NREP: variants seen among roughly 807,000 people sequenced by gnomAD.
The protein encoded by NREP is neuronal regeneration-related protein.
Under a neutral mutation model 8.6 loss-of-function variants are expected in NREP, and 5 were observed. The ratio of observed to expected loss-of-function variants is 0.58; its 90% CI spans 0.30 to 1.22. The LOEUF is 1.22. Ranked by LOEUF, NREP falls within the 50% of genes most tolerant of loss-of-function variation. The pLI, the probability that NREP is intolerant of heterozygous loss-of-function variation, is 0.07. For missense variants in NREP, 86 were observed against 82.5 expected, an observed-to-expected ratio of 1.04 and a Z score of -0.17; for synonymous variants, 27 against 28.0, an observed-to-expected ratio of 0.96 and a Z score of 0.11.
At chr5:111,845,907 T>C (rs1753150628) in intron 2 of NREP, 1 of 151,826 alleles carries the variant, frequency 6.6e-6, no homozygotes, top group Non-Finnish European at 1.5e-5. Flanking sequence ...GAAGTAATTT[T>C]ACATGTTCAA....
chr5:111,869,112 T>C (rs990670993), intron 2 of NREP, among the ~76,000 whole-genome samples: 1 of 152,190 alleles, frequency 6.6e-6, no homozygotes, highest in Non-Finnish European at 1.5e-5. Flanking sequence ...ATAGCAAATA[T>C]TGCTATTTGT....
chr5:111,958,806 T>C (rs528778637), intron 2 of NREP, among the ~76,000 whole-genome samples: 1 of 152,054 alleles, frequency 6.6e-6, no homozygotes, highest in South Asian at 2.1e-4. Context: ...AAATTTACTT[T>C]ATAAAGCTGT....
chr5:111,957,557 T>C (rs2042130596), intron 2 of NREP, among the ~76,000 whole-genome samples: 2 of 149,834 alleles, frequency 1.3e-5, no homozygotes, highest in African/African-American at 2.5e-5. Flanking sequence ...AAATGTGTTA[T>C]CTATGATATT....
chr5:111,813,557 C>A (rs1026966087), intron 2 of NREP, among the ~76,000 whole-genome samples: 2 of 151,914 alleles, frequency 1.3e-5, no homozygotes, highest in East Asian at 1.9e-4. Flanking sequence ...TTCTTTTAAT[C>A]AGTAATTTGA....
chr5:111,897,228 AT>A (rs1754532576), intron 2 of NREP, among the ~76,000 whole-genome samples: 1 of 152,136 alleles, frequency 6.6e-6, no homozygotes, highest in African/African-American at 2.4e-5. Flanking sequence ...ATTTAAAAAA[AT>A]ATTGTTCAAC....
chr5:111,782,285 C>A (rs1301508953), intron 2 of NREP, among the ~76,000 whole-genome samples: 1 of 152,200 alleles, frequency 6.6e-6, no homozygotes, highest in African/African-American at 2.4e-5. Flanking sequence ...GTATATGGAA[C>A]TGGCAGCTTA....
intron 2 of NREP, among the ~76,000 whole-genome samples, chr5:111,815,550 C>T (rs1561677810): frequency 6.6e-6 from 1 of 151,474 alleles, no homozygotes; most frequent in Non-Finnish European, 1.5e-5. Flanking sequence ...TAGAATTTTT[C>T]ACCAGTGAGA....
At chr5:111,890,734 G>C (rs767336370) in intron 2 of NREP, among the ~76,000 whole-genome samples, 1 of 152,208 alleles carries the variant, frequency 6.6e-6, no homozygotes, top group Non-Finnish European at 1.5e-5. Context: ...TTTGAGCCAA[G>C]GCTGGAGACG....
intron 2 of NREP, among the ~76,000 whole-genome samples, chr5:111,847,727 TG>T (rs146721644): frequency 0.04 from 6,044 of 152,258 alleles, 431 homozygotes; most frequent in African/African-American, 0.14. Flanking sequence ...ATGTGAGACC[TG>T]GGCCAAATGG....
chr5:111,868,351 T>A (rs1247194001), intron 2 of NREP, among the ~76,000 whole-genome samples: 1 of 152,164 alleles, frequency 6.6e-6, no homozygotes, highest in East Asian at 1.9e-4. Flanking sequence ...GTTAACAGAT[T>A]TCTTTGCAGA....
Position 111,736,954 on chromosome 5 carries a change from G to C in NREP, c.4-1447C>G, listed in dbSNP as rs183544041. Among the ~76,000 whole-genome samples the C allele has an allele frequency of 1.1e-3, 160 of 152,006 alleles. 1 individual carries two copies. The East Asian group carries it at 0.026, about 25-fold the overall frequency. ...CTCGCATTATCCCAGAATGCAAATC[G>C]CCTACCACCACTCCCTCAAAATTAT... On this transcript the variant is annotated intron_variant, in intron 2 of 3. Coordinates refer to ENST00000257435, the MANE Select transcript of NREP (RefSeq NM_004772.4).
At chr5:111,799,364 G>A (rs1751948658) in intron 2 of NREP, among the ~76,000 whole-genome samples, 1 of 152,122 alleles carries the variant, frequency 6.6e-6, no homozygotes, top group Non-Finnish European at 1.5e-5. Flanking sequence ...TAGCAGTATG[G>A]TCATTTTCAC....
intron 2 of NREP, among the ~76,000 whole-genome samples, chr5:111,946,788 G>C (rs1234157095): frequency 6.6e-6 from 1 of 152,012 alleles, no homozygotes; most frequent in African/African-American, 2.4e-5. Flanking sequence ...AGGCCAATCA[G>C]GAACCCTGCT....
At chr5:111,753,102 T>C (rs1750466629) in intron 2 of NREP, among the ~76,000 whole-genome samples, 1 of 151,612 alleles carries the variant, frequency 6.6e-6, no homozygotes, top group Non-Finnish European at 1.5e-5. Context: ...GCATATTTAC[T>C]AGAAAACAAA....
At chr5:111,885,951 C>T (rs1754234697) in intron 2 of NREP, among the ~76,000 whole-genome samples, 2 of 152,126 alleles carry the variant, frequency 1.3e-5, no homozygotes, top group African/African-American at 4.8e-5. Context: ...GCAATGGCAA[C>T]CAAAGCCAAA....
Position 111,836,113 on chromosome 5 carries a change from A to G in NREP, c.136-100606T>C, listed in dbSNP as rs182994600. On this transcript the variant is annotated intron_variant, in intron 2 of 3. Coordinates refer to the NREP transcript ENST00000395634. The stretch of plus-strand genomic sequence containing the variant: ...TCAAAAATATTTACTAAGCACAGGA[A>G]TGTAATGATGAACTAGACACTGATT... 8.0e-4 allele frequency among the ~76,000 whole-genome samples: 122 copies of G among 152,224 alleles called. 1 individual carries two copies. In the East Asian group the frequency reaches 0.022, roughly 27 times the overall value.
intron 2 of NREP, among the ~76,000 whole-genome samples, chr5:111,905,267 G>A (rs887013151): frequency 2.0e-5 from 3 of 152,078 alleles, no homozygotes; most frequent in African/African-American, 7.2e-5. Context: ...TGGTAAGACT[G>A]TGTTTAACAT....
At chr5:111,763,510 G>C (rs1271974187) in intron 2 of NREP, among the ~76,000 whole-genome samples, 1 of 152,184 alleles carries the variant, frequency 6.6e-6, no homozygotes, top group Non-Finnish European at 1.5e-5. Context: ...TGTCCTCCTG[G>C]AGGTGAAGAA....
intron 2 of NREP, among the ~76,000 whole-genome samples, chr5:111,869,343 G>C (rs1022599693): frequency 9.9e-5 from 15 of 152,110 alleles, no homozygotes; most frequent in African/African-American, 3.6e-4. Flanking sequence ...TTCCATTTAA[G>C]TGTTATTTCA....
Sources: gnomAD v4.1 joint callset for allele counts (sites outside exome capture counted in the v4.1 genomes callset) on GRCh38, gnomAD v4.1.1 for gene constraint, MANE v1.5 for transcripts, NCBI Gene and HGNC (gene_info 2026-07-23, HGNC 2026-07-21) for gene names.